ANO1: variants seen among roughly 807,000 people sequenced by gnomAD.
The protein encoded by ANO1 is anoctamin 1, also known as anoctamin-1.
Under a neutral mutation model 124.0 loss-of-function variants are expected in ANO1, and 59 were observed. The observed-to-expected ratio is 0.48, with a 90% CI of 0.39 to 0.59. ANO1 has a LOEUF of 0.59. Ranked by LOEUF, ANO1 falls within the 20% of genes least tolerant of loss-of-function variation. ANO1 has a pLI of 0.00. For missense variants in ANO1, 1,059 were observed against 1,328.0 expected, an observed-to-expected ratio of 0.80 and a Z score of 3.15; for synonymous variants, 529 against 532.0, an observed-to-expected ratio of 0.99 and a Z score of 0.08.
intron 23 of ANO1, 111 bp from the exon 24 acceptor site, chr11:70,182,391 A>G (rs566698324): frequency 2.3e-6 from 2 of 876,002 alleles, no homozygotes; most frequent in African/African-American, 3.5e-5. Flanking sequence ...CGCCAGAGGC[A>G]GTGGCATATG....
At chr11:70,134,063 C>T (rs988663708) in intron 11 of ANO1, among the ~76,000 whole-genome samples, 2 of 152,214 alleles carry the variant, frequency 1.3e-5, no homozygotes, top group African/African-American at 4.8e-5. Context: ...AGACCCTCCT[C>T]ACCCTGGAAT....
chr11:70,145,952 A>C (rs1387275603), intron 11 of ANO1, among the ~76,000 whole-genome samples: 3 of 151,528 alleles, frequency 2.0e-5, no homozygotes, highest in South Asian at 2.1e-4. Flanking sequence ...ACAAAAAAAA[A>C]AAAAAAAAAA....
At position 70,152,334 on chromosome 11, in the gene ANO1, C is replaced by CAAAA. The variant is rs56895585; in HGVS notation, c.1342-96_1342-93dup. On this transcript the variant is annotated intron_variant, in intron 12 of 25. Coordinates refer to ENST00000355303, the MANE Select transcript of ANO1 (RefSeq NM_018043.7). ...TGCTCAATAGAGCAAGACTCCATCT[C>CAAAA]AAAAAAAAAAAAAAAAAAAAAAAGT... The CAAAA allele has an allele frequency of 8.2e-4, 361 of 438,630 alleles. 1 individual carries two copies. The highest frequency in any genetic ancestry group is 1.4e-3 in the Middle Eastern group (2 of 1,414). The allele number at this position is 438,630 out of a possible 1,614,324, so 27.2% of individuals were successfully genotyped here. A position where few individuals can be genotyped will look rare whatever the true frequency, so the allele number is the denominator to read the frequency against.
At chr11:69,987,604 C>CAA (rs202001305) in intron 1 of ANO1, among the ~76,000 whole-genome samples, 42 of 109,710 alleles carry the variant, frequency 3.8e-4, no homozygotes, top group African/African-American at 1.6e-3. Flanking sequence ...GACCATGTCT[C>CAA]AAAAAAAAAA....
chr11:70,083,559 T>C (rs2044265064), intron 1 of ANO1, among the ~76,000 whole-genome samples: 3 of 152,208 alleles, frequency 2.0e-5, no homozygotes, highest in Admixed American at 2.0e-4. Context: ...GGGGTTCGTA[T>C]TGAACCTGGT....
the ANO1 span, among the ~76,000 whole-genome samples, chr11:69,967,196 ACGTT>A: frequency 6.8e-6 from 1 of 147,956 alleles, no homozygotes; most frequent in Non-Finnish European, 1.5e-5. Context: ...CCCGTATCGC[ACGTT>A]AGCTAGCATC....
the ANO1 span, among the ~76,000 whole-genome samples, chr11:69,979,920 C>G: frequency 2.0e-5 from 3 of 152,278 alleles, no homozygotes; most frequent in African/African-American, 7.2e-5. Flanking sequence ...GTCTCCCTGG[C>G]CAACTGTGCC....
chr11:70,087,761 TC>T lies in ANO1; in HGVS notation c.120del (p.Leu41TyrfsTer116). 1 of 1,598,672 alleles carries T rather than the reference TC, an allele frequency of 6.3e-7. No homozygotes were observed. The highest frequency in any genetic ancestry group is 8.5e-7 in the Non-Finnish European group (1 of 1,171,044). ...TTTCTTCCACCCTTAGCTGCTGAAC[TC>T]CTTATCTGTGGACCCTGATGCCGAG... ...YLPSEGTLLN[S>X]LSVDPDAECK... On this transcript the variant is annotated frameshift_variant, in exon 2 of 26. Coordinates refer to ENST00000355303, the MANE Select transcript of ANO1 (RefSeq NM_018043.7). LOFTEE classifies it high-confidence loss of function.
intron 21 of ANO1, among the ~76,000 whole-genome samples, chr11:70,167,852 A>G (rs2048316630): frequency 6.6e-6 from 1 of 151,922 alleles, no homozygotes; most frequent in African/African-American, 2.4e-5. Flanking sequence ...AACCCCCCAC[A>G]ATCCAAGGTC....
intron 1 of ANO1, among the ~76,000 whole-genome samples, chr11:70,079,705 AGCAG>A (rs1163715610): frequency 1.3e-5 from 2 of 152,236 alleles, no homozygotes; most frequent in Admixed American, 1.3e-4. Flanking sequence ...CGTCAGGCCC[AGCAG>A]GGCTGCTTCA....
intron 22 of ANO1, among the ~76,000 whole-genome samples, chr11:70,171,528 C>T (rs1036694239): frequency 6.6e-6 from 1 of 152,206 alleles, no homozygotes; most frequent in Non-Finnish European, 1.5e-5. Context: ...CAGGGAAGAA[C>T]AGTCCCAGTC....
intron 1 of ANO1, among the ~76,000 whole-genome samples, chr11:70,006,452 C>G (rs1468860347): frequency 1.3e-5 from 2 of 152,136 alleles, no homozygotes. Flanking sequence ...GCCCACCCAC[C>G]TCCCCTACCT....
chr11:70,091,563 G>A (rs773903931), intron 2 of ANO1, among the ~76,000 whole-genome samples: 83 of 152,170 alleles, frequency 5.5e-4, no homozygotes, highest in Non-Finnish European at 6.6e-4. Flanking sequence ...ACTGAAGGCT[G>A]GATGAGGAGG....
At chr11:70,114,403 G>A (rs538166712) in intron 7 of ANO1, among the ~76,000 whole-genome samples, 7 of 152,328 alleles carry the variant, frequency 4.6e-5, no homozygotes, top group Admixed American at 3.3e-4. Flanking sequence ...GGCCTGAGCC[G>A]CGTGCACCCA....
intron 1 of ANO1, among the ~76,000 whole-genome samples, chr11:69,992,658 C>G (rs528917006): frequency 6.6e-6 from 1 of 152,314 alleles, no homozygotes; most frequent in South Asian, 2.1e-4. Flanking sequence ...GCTGCTGCCT[C>G]CCTAGCTCTC....
intron 21 of ANO1, among the ~76,000 whole-genome samples, chr11:70,170,613 G>C (rs2048424217): frequency 6.6e-6 from 1 of 152,166 alleles, no homozygotes. Flanking sequence ...ATAGATAAGG[G>C]AGCATTCCCG....
the ANO1 span, among the ~76,000 whole-genome samples, chr11:69,972,164 AT>A: frequency 7.2e-6 from 1 of 138,516 alleles, no homozygotes; most frequent in Admixed American, 8.1e-5. Context: ...TCTAGCCTTC[AT>A]GACAGAGCAA....
intron 1 of ANO1, among the ~76,000 whole-genome samples, chr11:70,032,070 C>T (rs1857011741): frequency 6.6e-6 from 1 of 152,228 alleles, no homozygotes; most frequent in Non-Finnish European, 1.5e-5. Flanking sequence ...GACGTGGCCC[C>T]TGCCCATGAA....
chr11:70,012,329 T>C (rs914332414), intron 1 of ANO1, among the ~76,000 whole-genome samples: 5 of 151,568 alleles, frequency 3.3e-5, no homozygotes, highest in Non-Finnish European at 2.9e-5. Context: ...CATCCGTTAT[T>C]CCATCTATCC....
Sources: allele counts gnomAD v4.1 joint callset (sites outside exome capture counted in the v4.1 genomes callset), GRCh38; gene constraint gnomAD v4.1.1; transcripts MANE v1.5; gene names NCBI Gene and HGNC (gene_info 2026-07-23, HGNC 2026-07-21).